The following AZI2 variants were observed in gnomAD, a reference collection of about 807,000 sequenced individuals.
The protein encoded by AZI2 is 5-azacytidine induced 2.
A neutral mutation model predicts 45.8 loss-of-function variants in AZI2; 22 were observed. The ratio of observed to expected loss-of-function variants is 0.48; its 90% CI spans 0.34 to 0.69. The LOEUF (loss-of-function observed/expected upper bound fraction) is 0.69. Among genes scored for constraint, AZI2 ranks in the 30% least tolerant of loss-of-function variants. The pLI, the probability that AZI2 is intolerant of heterozygous loss-of-function variation, is 0.01. For missense variants in AZI2, 417 were observed against 441.5 expected, an observed-to-expected ratio of 0.94 and a Z score of 0.50; for synonymous variants, 137 against 156.7, an observed-to-expected ratio of 0.87 and a Z score of 0.94.
chr3:28,333,326 C>T (rs1359892702), intron 5 of AZI2, among the ~76,000 whole-genome samples: 2 of 151,536 alleles, frequency 1.3e-5, no homozygotes, highest in African/African-American at 4.8e-5. Flanking sequence ...GATTTTAATA[C>T]TCTAACAGTT....
rs1308276503 is a variant in AZI2 at position 28,332,399 on chromosome 3, C to G, written c.617G>C (p.Ser206Thr). Residue 206 changes from serine (S) to threonine (T), a missense_variant, in exon 6 of 8, where the codon AGC becomes ACC. Physicochemically the swap from Ser to Thr is moderately conservative, Grantham distance 58 (BLOSUM62 1). Transcript: ENST00000479665. ...AATGCTTAGTTTTTGGAGATCTCTG[C>G]TCTTCAGATTGTCTTCCTGATATGG... ...TDPYQEDNLK[S>T]RDLQKLSISS... 6.2e-7 allele frequency: 1 copy of G among 1,608,738 alleles called. No homozygotes were observed. Among genetic ancestry groups the G allele is most frequent in the South Asian group, 1.1e-5 (1 of 90,904 alleles).
chr3:28,332,346 T>A, intron 6 of AZI2, 23 bp downstream of exon 6: 1 of 1,587,698 alleles, frequency 6.3e-7, no homozygotes, highest in Non-Finnish European at 8.6e-7. Context: ...ACGTATTGTC[T>A]TAATGCTGAA....
chr3:28,327,038 T>C (rs986332688), intron 6 of AZI2, 88 bp from the exon 7 acceptor site: 2 of 883,066 alleles, frequency 2.3e-6, no homozygotes, highest in Non-Finnish European at 1.7e-6. Context: ...AGATCAAGTT[T>C]CTGCTCCAAT....
At position 28,323,837 on chromosome 3, in the gene AZI2, G is replaced by T; in HGVS notation, c.*205C>A. The T allele has an allele frequency of 2.2e-6, 1 of 457,920 alleles. No individual in the cohort carries two copies. The highest frequency in any genetic ancestry group is 3.9e-6 in the Non-Finnish European group (1 of 258,292). The allele number at this position is 457,920 out of a possible 1,614,324, so 28.4% of individuals were successfully genotyped here. A position where few individuals can be genotyped will look rare whatever the true frequency, so the allele number is the denominator to read the frequency against. On this transcript the variant is annotated 3_prime_UTR_variant, in exon 8 of 8. Transcript: ENST00000479665. ...TATAGTAGCATATTTCAGATTCTTA[G>T]AATATGGAGCTAGAGGGTGCTCTTT...
At chr3:28,332,476 T>C in intron 5 of AZI2, 49 bp from the exon 6 acceptor site, 2 of 1,483,056 alleles carry the variant, frequency 1.3e-6, no homozygotes, top group Admixed American at 3.4e-5. Context: ...ATTTTTACAA[T>C]TTATTTAGTC....
chr3:28,326,489 C>CTTT (rs5847511), intron 7 of AZI2: 4 of 142,186 alleles, frequency 2.8e-5, no homozygotes, highest in Admixed American at 7.3e-5. Context: ...CTTTTGGTGT[C>CTTT]TTTTTTTTTT....
intron 1 of AZI2, among the ~76,000 whole-genome samples, chr3:28,345,177 G>C (rs1282109716): frequency 2.0e-5 from 3 of 152,074 alleles, no homozygotes; most frequent in Non-Finnish European, 4.4e-5. Flanking sequence ...AGTGCACTCT[G>C]AATAAGCACC....
Position 28,323,523 on chromosome 3 carries a change from C to G in AZI2, c.*519G>C, listed in dbSNP as rs921385794. ...ACTTTAAATCTTAAATATTGAAACG[C>G]AATAGCATATAAAGATGGTATAACC... On this transcript the variant is annotated 3_prime_UTR_variant, in exon 8 of 8. Coordinates refer to ENST00000479665, the MANE Select transcript of AZI2 (RefSeq NM_022461.5). The G allele has an allele frequency of 6.6e-6, 1 of 151,338 alleles. No homozygotes were observed. Among genetic ancestry groups the G allele is most frequent in the Non-Finnish European group, 1.5e-5 (1 of 67,304 alleles). The allele number at this position is 151,338 out of a possible 1,614,324, so 9.4% of individuals were successfully genotyped here. A position where few individuals can be genotyped will look rare whatever the true frequency, so the allele number is the denominator to read the frequency against.
At chr3:28,331,960 AAAAC>A (rs1703594937) in intron 6 of AZI2, 1 of 1,461,792 alleles carries the variant, frequency 6.8e-7, no homozygotes, top group Non-Finnish European at 9.3e-7. Context: ...TCTGTCTCAA[AAAAC>A]AAAAAACAAA....
chr3:28,333,473 C>G (rs1471679477), intron 5 of AZI2, among the ~76,000 whole-genome samples: 1 of 151,512 alleles, frequency 6.6e-6, no homozygotes, highest in South Asian at 2.1e-4. Context: ...GGAATCTGAT[C>G]AGATCACTTT....
intron 6 of AZI2, among the ~76,000 whole-genome samples, chr3:28,328,365 T>C (rs375492181): frequency 2.0e-5 from 3 of 151,250 alleles, no homozygotes; most frequent in South Asian, 4.1e-4. Flanking sequence ...ACTCACATTA[T>C]ATAGCAGTAA....
chr3:28,340,017 T>G (rs1365901545), intron 2 of AZI2, among the ~76,000 whole-genome samples: 1 of 152,030 alleles, frequency 6.6e-6, no homozygotes, highest in Admixed American at 6.6e-5. Context: ...GGTAAAGATA[T>G]TATTAAACCT....
chr3:28,336,592 TA>T, intron 5 of AZI2, 144 bp downstream of exon 5: 1 of 872,732 alleles, frequency 1.1e-6, no homozygotes, highest in Non-Finnish European at 1.6e-6. Context: ...AAGAGGTAGA[TA>T]AACAAGAATT....
At chr3:28,331,920 C>T in intron 6 of AZI2, 1 of 1,547,084 alleles carries the variant, frequency 6.5e-7, no homozygotes, top group Non-Finnish European at 8.7e-7. Context: ...CATGATTGCG[C>T]CACTGCACTC....
rs559692370 is a variant in AZI2, at chr3:28,341,712, A to AT, written c.-5-1091dup. On this transcript the variant is annotated intron_variant, in intron 1 of 7. Coordinates refer to ENST00000479665, the MANE Select transcript of AZI2 (RefSeq NM_022461.5). Reference sequence around the variant, plus strand: ...GAGAACCTAAAAAGTCCTTTTAAATATTTTTTAGTTTAAAATAAAAAACTA... The same window carrying AT: ...GAGAACCTAAAAAGTCCTTTTAAATATTTTTTTAGTTTAAAATAAAAAACTA... The AT allele has an allele frequency of 3.3e-4, 50 of 152,172 alleles. No homozygotes were observed. The South Asian group carries it at 0.01, about 31-fold the overall frequency. The allele number at this position is 152,172 out of a possible 1,614,324, so 9.4% of individuals were successfully genotyped here.
intron 1 of AZI2, among the ~76,000 whole-genome samples, chr3:28,346,552 G>C (rs1204226653): frequency 6.7e-6 from 1 of 149,580 alleles, no homozygotes; most frequent in Non-Finnish European, 1.5e-5. Context: ...ACAGCAGTAT[G>C]TGACAAAACT....
intron 6 of AZI2, among the ~76,000 whole-genome samples, chr3:28,329,703 G>GAATTA (rs1703506239): frequency 6.6e-6 from 1 of 151,172 alleles, no homozygotes; most frequent in Non-Finnish European, 1.5e-5. Flanking sequence ...CATCACAGTA[G>GAATTA]AATTAAACTA....
At position 28,323,932 on chromosome 3, in the gene AZI2, C is replaced by T; in HGVS notation, c.*110G>A. 1 of 1,293,270 alleles carries T rather than the reference C, an allele frequency of 7.7e-7. No individual in the cohort carries two copies. Among genetic ancestry groups the T allele is most frequent in the Non-Finnish European group, 1.1e-6 (1 of 936,862 alleles). The allele number at this position is 1,293,270 out of a possible 1,614,324, so 80.1% of individuals were successfully genotyped here. A position where few individuals can be genotyped will look rare whatever the true frequency, so the allele number is the denominator to read the frequency against. ...TGTGTTCAAATATAGATACTGAAGA[C>T]CTCTGCAAAATTTTAATCAAAATCT... On this transcript the variant is annotated 3_prime_UTR_variant, in exon 8 of 8. Transcript: ENST00000479665.
At chr3:28,329,183 C>T (rs1703490472) in intron 6 of AZI2, among the ~76,000 whole-genome samples, 1 of 151,106 alleles carries the variant, frequency 6.6e-6, no homozygotes, top group African/African-American at 2.4e-5. Flanking sequence ...GATGGCTGAG[C>T]ACTTATTATA....
Sources: allele counts gnomAD v4.1 joint callset (sites outside exome capture counted in the v4.1 genomes callset), GRCh38; gene constraint gnomAD v4.1.1; transcripts MANE v1.5; gene names NCBI Gene and HGNC (gene_info 2026-07-23, HGNC 2026-07-21).